DCAF8L1: variants seen among roughly 807,000 people sequenced by gnomAD.
The protein encoded by DCAF8L1 is DDB1- and CUL4-associated factor 8-like protein 1.
For missense variants in DCAF8L1, 434 were observed against 481.6 expected (o/e 0.90, Z 0.92); for synonymous variants, 217 against 186.8 (o/e 1.16, Z -1.32).
rs1231713777 is a variant in DCAF8L1 at position 27,979,211 on chromosome X, A to G, written c.*321T>C. 1 of 275,392 alleles carries G rather than the reference A, an allele frequency of 3.6e-6. No individual in the cohort carries two copies. The highest frequency in any genetic ancestry group is 6.3e-6 in the Non-Finnish European group (1 of 158,639). The allele number at this position is 275,392 out of a possible 1,213,427, so 22.7% of individuals were successfully genotyped here. A position where few individuals can be genotyped will look rare whatever the true frequency, so the allele number is the denominator to read the frequency against. On this transcript the variant is annotated 3_prime_UTR_variant, in exon 1 of 1. Coordinates refer to ENST00000441525, the MANE Select transcript of DCAF8L1 (RefSeq NM_001017930.2). ...ACACGTTTATGAAATTTTCAACTCAACTGAAGAACTTTATCTTCAAAATAA... is the reference window on the plus strand; with the variant it reads ...ACACGTTTATGAAATTTTCAACTCAGCTGAAGAACTTTATCTTCAAAATAA...
chrX:27,979,496 C>T lies in DCAF8L1; in HGVS notation c.*36G>A, dbSNP rs1343652497. On this transcript the variant is annotated 3_prime_UTR_variant, in exon 1 of 1. Transcript: ENST00000441525. ...AAACTGAATTTTAAAGTCCAGTGTA[C>T]TTAGGTGGCATCTAGCTGGACTGGA... is the stretch of plus-strand genomic sequence containing the variant. The T allele has an allele frequency of 8.7e-7, 1 of 1,148,603 alleles. No individual in the cohort carries two copies. The highest frequency in any genetic ancestry group is 2.7e-5 in the Admixed American group (1 of 36,607). The allele number at this position is 1,148,603 out of a possible 1,213,427, so 94.7% of individuals were successfully genotyped here. A position where few individuals can be genotyped will look rare whatever the true frequency, so the allele number is the denominator to read the frequency against.
rs750182234 is a variant in DCAF8L1 at position 27,980,991 on chromosome X, TCTTCCTCCTCCC to T, written c.332_343del (p.Gly111_Glu114del). The T allele has an allele frequency of 1.7e-6, 2 of 1,211,750 alleles. No individual in the cohort carries two copies. The highest frequency in any genetic ancestry group is 5.9e-5 in the East Asian group (2 of 33,769). ...GCATCGTGGACACATCCGAGGCTGT[TCTTCCTCCTCCC>T]CTTCCTCCTCCATCTCTTCTTCTTC... is the stretch of plus-strand genomic sequence containing the variant. On this transcript the variant is annotated inframe_deletion, in exon 1 of 1. Coordinates refer to ENST00000441525, the MANE Select transcript of DCAF8L1 (RefSeq NM_001017930.2).
Position 27,980,313 on chromosome X carries a change from G to C in DCAF8L1, c.1022C>G (p.Ser341Cys). The C allele has an allele frequency of 8.3e-7, 1 of 1,211,940 alleles. No homozygotes were observed. Among genetic ancestry groups the C allele is most frequent in the Non-Finnish European group, 1.1e-6 (1 of 895,559 alleles). Residue 341 changes from serine to cysteine, a missense_variant, in exon 1 of 1, where the codon TCT becomes TGT. Physicochemically the swap from Ser to Cys is moderately radical, Grantham distance 112. Coordinates refer to ENST00000441525, the MANE Select transcript of DCAF8L1 (RefSeq NM_001017930.2). ...NDKKVGLYTI[S>C]MNPANIYQFA... The stretch of plus-strand genomic sequence containing the variant: ...TTGGTAAATATTGGCAGGATTCATA[G>C]AGATTGTATACAGTCCGACTTTCTT...
chrX:27,981,439 A>T lies in DCAF8L1; in HGVS notation c.-105T>A. On this transcript the variant is annotated 5_prime_UTR_variant, in exon 1 of 1. Coordinates refer to ENST00000441525, the MANE Select transcript of DCAF8L1 (RefSeq NM_001017930.2). Reference sequence around the variant, plus strand: ...CCGAGGACGGACGGTCGGAGAAGGCAGTAGGTAAGCAGCAAAGAGACACCA... The same window carrying T: ...CCGAGGACGGACGGTCGGAGAAGGCTGTAGGTAAGCAGCAAAGAGACACCA... 1 of 1,052,305 alleles carries T rather than the reference A, an allele frequency of 9.5e-7. No individual in the cohort carries two copies. The highest frequency in any genetic ancestry group is 1.3e-6 in the Non-Finnish European group (1 of 785,738). The allele number at this position is 1,052,305 out of a possible 1,213,427, so 86.7% of individuals were successfully genotyped here. A position where few individuals can be genotyped will look rare whatever the true frequency, so the allele number is the denominator to read the frequency against.
rs201645200 is a variant in DCAF8L1, at chrX:27,980,135, G to A, written c.1200C>T (p.His400=). Residue 400 remains histidine, a synonymous_variant, in exon 1 of 1, where the codon CAC becomes CAT. Coordinates refer to ENST00000441525, the MANE Select transcript of DCAF8L1 (RefSeq NM_001017930.2). ...AGCTGGCCAGGAGCTCTGTGCCATCGTGGCTGTACACAACGCAGGTGATGT... is the reference window on the plus strand; with the variant it reads ...AGCTGGCCAGGAGCTCTGTGCCATCATGGCTGTACACAACGCAGGTGATGT... The part of the protein sequence containing the change: ...PTNITCVVYS[H]DGTELLASYN... 6.1e-4 allele frequency: 743 copies of A among 1,209,817 alleles called. No individual in the cohort carries two copies. Among genetic ancestry groups the A allele is most frequent in the Non-Finnish European group, 7.8e-4 (699 of 895,240 alleles).
Position 27,981,176 on chromosome X carries a change from A to AT in DCAF8L1, c.158dup (p.Asp53GlufsTer25). 8.3e-7 allele frequency: 1 copy of AT among 1,211,822 alleles called. No homozygotes were observed. The highest frequency in any genetic ancestry group is 1.1e-6 in the Non-Finnish European group (1 of 895,547). On this transcript the variant is annotated frameshift_variant, in exon 1 of 1. Transcript: ENST00000441525. LOFTEE classifies it low-confidence loss of function (END_TRUNC). Reference sequence around the variant, plus strand: ...CGTTCAGGAAACCACCATCCCTGGTATCACCACCATCTCCGGTCGATGGCT... The same window carrying AT: ...CGTTCAGGAAACCACCATCCCTGGTATTCACCACCATCTCCGGTCGATGGCT...
In DCAF8L1 at chrX:27,978,630, C is replaced by T. The variant is rs1281995208; in HGVS notation, c.*902G>A. The T allele has an allele frequency of 4.5e-6, 1 of 221,450 alleles. No individual in the cohort carries two copies. Among genetic ancestry groups the T allele is most frequent in the Non-Finnish European group, 8.2e-6 (1 of 121,561 alleles). 18.2% of individuals were successfully genotyped at this position (221,450 alleles called of 1,213,427 possible). A position where few individuals can be genotyped will look rare whatever the true frequency, so the allele number is the denominator to read the frequency against. On this transcript the variant is annotated 3_prime_UTR_variant, in exon 1 of 1. Coordinates refer to ENST00000441525, the MANE Select transcript of DCAF8L1 (RefSeq NM_001017930.2). ...AATTTAATTTAGTTCTTACCAGCTT[C>T]AGTGTGCTCAAATTAATCAATATTA...
rs1397642058 is a variant in DCAF8L1, at chrX:27,979,347, G to C, written c.*185C>G. 2.0e-5 allele frequency: 10 copies of C among 508,363 alleles called. No individual in the cohort carries two copies. The highest frequency in any genetic ancestry group is 2.9e-5 in the Non-Finnish European group (10 of 349,898). The allele number at this position is 508,363 out of a possible 1,213,427, so 41.9% of individuals were successfully genotyped here. On this transcript the variant is annotated 3_prime_UTR_variant, in exon 1 of 1. Transcript: ENST00000441525. ...TTCAACAAAATTATGCAATTTTAGA[G>C]GTCAATTATAAGGGAACAAAGGAAA...
rs779921759 is a variant in DCAF8L1 at position 27,979,661 on chromosome X, T to A, written c.1674A>T (p.Arg558Ser). The A allele has an allele frequency of 1.7e-6, 2 of 1,210,049 alleles. No individual in the cohort carries two copies. Among genetic ancestry groups the A allele is most frequent in the African/African-American group, 3.5e-5 (2 of 57,196 alleles). Residue 558 changes from arginine to serine, a missense_variant, in exon 1 of 1, where the codon AGA (arginine) becomes AGT (serine). Transcript: ENST00000441525. ...LRFFVRHLLQRAHQPGWRDHG... is the reference protein window; with the variant it reads ...LRFFVRHLLQSAHQPGWRDHG... ...GATCTCTCCAGCCGGGTTGATGAGC[T>A]CTCTGTAACAGGTGACGCACGAAGA...
rs1366452815 is a variant in DCAF8L1 at position 27,979,220 on chromosome X, CTT to C, written c.*310_*311del. On this transcript the variant is annotated 3_prime_UTR_variant, in exon 1 of 1. Coordinates refer to ENST00000441525, the MANE Select transcript of DCAF8L1 (RefSeq NM_001017930.2). Reference sequence around the variant, plus strand: ...TGAAATTTTCAACTCAACTGAAGAACTTTATCTTCAAAATAAATTGGTAAAAA... The same window carrying C: ...TGAAATTTTCAACTCAACTGAAGAACTATCTTCAAAATAAATTGGTAAAAA... The C allele has an allele frequency of 3.6e-6, 1 of 278,227 alleles. No individual in the cohort carries two copies. The highest frequency in any genetic ancestry group is 6.2e-6 in the Non-Finnish European group (1 of 161,629). The allele number at this position is 278,227 out of a possible 1,213,427, so 22.9% of individuals were successfully genotyped here.
Position 27,979,424 on chromosome X carries a change from A to T in DCAF8L1, c.*108T>A. The T allele has an allele frequency of 9.4e-7, 1 of 1,061,677 alleles. No homozygotes were observed. Among genetic ancestry groups the T allele is most frequent in the Non-Finnish European group, 1.2e-6 (1 of 810,581 alleles). 87.5% of individuals were successfully genotyped at this position (1,061,677 alleles called of 1,213,427 possible). On this transcript the variant is annotated 3_prime_UTR_variant, in exon 1 of 1. Coordinates refer to ENST00000441525, the MANE Select transcript of DCAF8L1 (RefSeq NM_001017930.2). ...CTCATATAAGGGGTAACAAAAACAG[A>T]AGACAAAAAGCAAATCTGTTAATCA...
rs531955418 is a variant in DCAF8L1 at position 27,980,579 on chromosome X, A to T, written c.756T>A (p.Gly252=). 1.8e-4 allele frequency: 216 copies of T among 1,210,783 alleles called. 1 individual carries two copies. In the Admixed American group the frequency reaches 4.7e-3, roughly 26 times the overall value. ...VIQAKFFPNC[G]DSTLAMCGHD... is the part of the protein sequence containing the mutation. The stretch of plus-strand genomic sequence containing the variant: ...GGCCACACATGGCCAGAGTGGAATC[A>T]CCACAGTTAGGAAAGAACTTAGCCT... The change falls in exon 1 of 1, where the codon GGT becomes GGA. Residue 252 remains glycine (G), a synonymous_variant. Coordinates refer to ENST00000441525, the MANE Select transcript of DCAF8L1 (RefSeq NM_001017930.2).
Position 27,980,017 on chromosome X carries a change from T to C in DCAF8L1, c.1318A>G (p.Ile440Val). The change falls in exon 1 of 1, where the codon ATC (isoleucine) becomes GTC (valine). Residue 440 changes from isoleucine (I) to valine (V), a missense_variant. Coordinates refer to ENST00000441525, the MANE Select transcript of DCAF8L1 (RefSeq NM_001017930.2). ...GGGCCATAGAAATTAACACATTTGA[T>C]TGTGTCATTATTTCTGTGCCCCTTA... ...RYKGHRNNDT[I>V]KCVNFYGPRS... The C allele has an allele frequency of 9.1e-6, 11 of 1,211,216 alleles. No individual in the cohort carries two copies. Among genetic ancestry groups the C allele is most frequent in the South Asian group, 1.8e-5 (1 of 56,936 alleles).
Position 27,980,661 on chromosome X carries a change from C to T in DCAF8L1, c.674G>A (p.Trp225Ter). 1 of 1,212,137 alleles carries T rather than the reference C, an allele frequency of 8.2e-7. No homozygotes were observed. ...GTTCAGTACTGGCTTCTGCCGCACC[C>T]AGTCCCACACTATCACCCTTAAGTC... ...GDDLRVIVWD[W>*]VRQKPVLNFE... The change falls in exon 1 of 1, where the codon TGG becomes TAG. Residue 225 changes from tryptophan to a stop codon, truncating the protein, a stop_gained. Coordinates refer to ENST00000441525, the MANE Select transcript of DCAF8L1 (RefSeq NM_001017930.2). LOFTEE classifies it low-confidence loss of function (END_TRUNC).
rs1258364675 is a variant in DCAF8L1 at position 27,979,242 on chromosome X, T to TA, written c.*289dup. 6 of 284,429 alleles carry TA rather than the reference T, an allele frequency of 2.1e-5. No homozygotes were observed. The highest frequency in any genetic ancestry group is 1.0e-4 in the African/African-American group (3 of 28,718). The allele number at this position is 284,429 out of a possible 1,213,427, so 23.4% of individuals were successfully genotyped here. On this transcript the variant is annotated 3_prime_UTR_variant, in exon 1 of 1. Coordinates refer to ENST00000441525, the MANE Select transcript of DCAF8L1 (RefSeq NM_001017930.2). ...GAACTTTATCTTCAAAATAAATTGG[T>TA]AAAAAATGAAAAAACTAAAAAGTAA...
At position 27,980,630 on chromosome X, in the gene DCAF8L1, C is replaced by G. The variant is rs1416083266; in HGVS notation, c.705G>C (p.Glu235Asp). Reference sequence around the variant, plus strand: ...GGATGACATTAATATCGTGACCACTCTCAAAGTTCAGTACTGGCTTCTGCC... The same window carrying G: ...GGATGACATTAATATCGTGACCACTGTCAAAGTTCAGTACTGGCTTCTGCC... ...WVRQKPVLNF[E>D]SGHDINVIQA... Residue 235 changes from glutamate (E) to aspartate (D), a missense_variant, in exon 1 of 1, where the codon GAG (glutamate) becomes GAC (aspartate). Transcript: ENST00000441525. 8.3e-7 allele frequency: 1 copy of G among 1,210,913 alleles called. No homozygotes were observed. The highest frequency in any genetic ancestry group is 1.1e-6 in the Non-Finnish European group (1 of 895,470).
rs1348477689 is a variant in DCAF8L1 at position 27,978,351 on chromosome X, G to A, written c.*1181C>T. 1 of 112,577 alleles carries A rather than the reference G, an allele frequency of 8.9e-6. No homozygotes were observed. The allele number at this position is 112,577 out of a possible 1,213,427, so 9.3% of individuals were successfully genotyped here. On this transcript the variant is annotated 3_prime_UTR_variant, in exon 1 of 1. Coordinates refer to ENST00000441525, the MANE Select transcript of DCAF8L1 (RefSeq NM_001017930.2). ...ACAGCTAAATTTTAAGCAATGCATG[G>A]ATGTTAAATAGGATTTTTCTACCAA...
At position 27,980,228 on chromosome X, in the gene DCAF8L1, C is replaced by T. The variant is rs764567419; in HGVS notation, c.1107G>A (p.Lys369=). 2 of 1,210,172 alleles carry T rather than the reference C, an allele frequency of 1.7e-6. No homozygotes were observed. The highest frequency in any genetic ancestry group is 3.5e-5 in the African/African-American group (2 of 57,216). Reference sequence around the variant, plus strand: ...TCTTGAGTACTCCATTGTTTTCTTTCTTATCAATTCTCCTCTGGTCATAAA... The same window carrying T: ...TCTTGAGTACTCCATTGTTTTCTTTTTTATCAATTCTCCTCTGGTCATAAA... ...VRIYDQRRID[K]KENNGVLKKF... The change falls in exon 1 of 1, where the codon AAG becomes AAA. Residue 369 remains lysine, a synonymous_variant. Coordinates refer to ENST00000441525, the MANE Select transcript of DCAF8L1 (RefSeq NM_001017930.2).
In DCAF8L1 at chrX:27,980,767, A is replaced by G; in HGVS notation, c.568T>C (p.Tyr190His). Reference sequence around the variant, plus strand: ...GAACCGGCATGGCTTCCAAGAAGATACTGCAGGCGGAAACGCTGCACAAAG... The same window carrying G: ...GAACCGGCATGGCTTCCAAGAAGATGCTGCAGGCGGAAACGCTGCACAAAG... ...RTFVQRFRLQ[Y>H]LLGSHAGSVS... The change falls in exon 1 of 1, where the codon TAT (tyrosine) becomes CAT (histidine). Residue 190 changes from tyrosine (Y) to histidine (H), a missense_variant. By Grantham distance (83) the Tyr-to-His change is moderately conservative. Coordinates refer to ENST00000441525, the MANE Select transcript of DCAF8L1 (RefSeq NM_001017930.2). 6.6e-6 allele frequency: 8 copies of G among 1,209,621 alleles called. No homozygotes were observed. Among genetic ancestry groups the G allele is most frequent in the South Asian group, 1.8e-5 (1 of 56,572 alleles).
Sources: allele counts gnomAD v4.1 joint callset, GRCh38; gene constraint gnomAD v4.1.1; transcripts MANE v1.5; gene names NCBI Gene and HGNC (gene_info 2026-07-23, HGNC 2026-07-21).